CHD7: variants seen among roughly 807,000 people sequenced by gnomAD.
CHD7 encodes ATP-dependent chromatin remodeler CHD7.
Under a neutral mutation model 307.3 loss-of-function variants are expected in CHD7, and 24 were observed. The ratio of observed to expected loss-of-function variants is 0.08; its 90% confidence interval spans 0.06 to 0.11. The LOEUF (loss-of-function observed/expected upper bound fraction) is 0.11, where lower values mean the gene tolerates loss of function less well. Ranked by LOEUF, CHD7 falls within the 10% of genes least tolerant of loss-of-function variation. The pLI, the probability that CHD7 is intolerant of heterozygous loss-of-function variation, is 1.00. For missense variants in CHD7, 3,106 were observed against 3,727.1 expected (o/e 0.83, Z 4.34); for synonymous variants, 1,363 against 1,349.9 (o/e 1.01, Z -0.21).
At position 60,781,051 on chromosome 8, in the gene CHD7, G is replaced by A; in HGVS notation, c.1717G>A (p.Val573Ile). The A allele has an allele frequency of 6.2e-7, 1 of 1,609,124 alleles. No homozygotes were observed. The highest frequency in any genetic ancestry group is 8.5e-7 in the Non-Finnish European group (1 of 1,178,342). ...GAAACCAGTGCCGGATATGACTCAGGTTAGTGGACCGAATGCTCAGCTAGT... is the reference window on the plus strand; with the variant it reads ...GAAACCAGTGCCGGATATGACTCAGATTAGTGGACCGAATGCTCAGCTAGT... ...LEKPVPDMTQ[V>I]SGPNAQLVKS... The change falls in exon 3 of 38, where the codon GTT (valine) becomes ATT (isoleucine). Residue 573 changes from valine to isoleucine, a missense_variant. By Grantham distance (29) the Val-to-Ile change is conservative (BLOSUM62 3). This residue lies in a region of CHD7 where 998 missense variants were observed against 1,004.5 expected (regional missense o/e 0.99). Transcript: ENST00000423902.
intron 1 of CHD7, among the ~76,000 whole-genome samples, chr8:60,681,415 T>C (rs1320955379): frequency 6.6e-6 from 1 of 152,146 alleles, no homozygotes; most frequent in Non-Finnish European, 1.5e-5. Flanking sequence ...TCATTGACAA[T>C]GATAATAAAG....
chr8:60,708,559 A>C (rs141634156), intron 1 of CHD7, among the ~76,000 whole-genome samples: 14 of 152,074 alleles, frequency 9.2e-5, no homozygotes, highest in African/African-American at 3.1e-4. Flanking sequence ...GGCCTCCCCT[A>C]CTGCCTGCCT....
At chr8:60,861,931 G>A (rs1325276006) in intron 35 of CHD7, 2 of 253,772 alleles carry the variant, frequency 7.9e-6, no homozygotes, top group African/African-American at 4.5e-5. Flanking sequence ...TCATGACTTG[G>A]TTAAACATTT....
chr8:60,767,891 A>G (rs1351163426), intron 2 of CHD7, among the ~76,000 whole-genome samples: 1 of 152,228 alleles, frequency 6.6e-6, no homozygotes, highest in Non-Finnish European at 1.5e-5. Flanking sequence ...TTATTTTATG[A>G]CATATATTCA....
intron 15 of CHD7, among the ~76,000 whole-genome samples, chr8:60,833,820 A>G (rs1804628734): frequency 6.6e-6 from 1 of 152,174 alleles, no homozygotes; most frequent in Non-Finnish European, 1.5e-5. Context: ...GTAATCTTGA[A>G]AATTTAGCTG....
At chr8:60,794,078 C>A (rs184219520) in intron 3 of CHD7, among the ~76,000 whole-genome samples, 1 of 151,894 alleles carries the variant, frequency 6.6e-6, no homozygotes, top group Non-Finnish European at 1.5e-5. Flanking sequence ...GCCAAGATCA[C>A]GCCGTTGCAT....
chr8:60,819,016 C>T (rs1447860504), intron 8 of CHD7, among the ~76,000 whole-genome samples: 1 of 152,142 alleles, frequency 6.6e-6, no homozygotes, highest in African/African-American at 2.4e-5. Flanking sequence ...TGCAGTGGTG[C>T]GATCTCGGCT....
intron 2 of CHD7, among the ~76,000 whole-genome samples, chr8:60,754,225 A>C (rs560466724): frequency 1.3e-5 from 2 of 152,184 alleles, no homozygotes; most frequent in Non-Finnish European, 2.9e-5. Context: ...CTTCATATAC[A>C]CTGAGAACTC....
chr8:60,709,504 G>T (rs542562651), intron 1 of CHD7, among the ~76,000 whole-genome samples: 2 of 152,190 alleles, frequency 1.3e-5, no homozygotes, highest in African/African-American at 4.8e-5. Flanking sequence ...TGCTGAATGA[G>T]TGTCATTGTT....
intron 1 of CHD7, among the ~76,000 whole-genome samples, chr8:60,726,500 G>A (rs1808165595): frequency 6.6e-6 from 1 of 152,202 alleles, no homozygotes; most frequent in South Asian, 2.1e-4. Context: ...TAACTTTTAG[G>A]TTTGGGGGTA....
chr8:60,811,652 A>G lies in CHD7; in HGVS notation c.2498+3380A>G, dbSNP rs371761050. Among the ~76,000 whole-genome samples, 16 of 152,282 alleles carry G rather than the reference A, an allele frequency of 1.1e-4. No homozygotes were observed. In the East Asian group the frequency reaches 1.7e-3, roughly 17 times the overall value. On this transcript the variant is annotated intron_variant, in intron 7 of 37. Transcript: ENST00000423902. ...ACAATATATATTCTCATACATATCTATATATTTTCAAATTATTGGAGGCAT... is the reference window on the plus strand; with the variant it reads ...ACAATATATATTCTCATACATATCTGTATATTTTCAAATTATTGGAGGCAT...
chr8:60,755,779 T>C (rs1586274182), intron 2 of CHD7, among the ~76,000 whole-genome samples: 1 of 152,276 alleles, frequency 6.6e-6, no homozygotes, highest in Admixed American at 6.5e-5. Context: ...CAACTCAAGG[T>C]TTAAGGAAAG....
intron 1 of CHD7, among the ~76,000 whole-genome samples, chr8:60,698,606 GATAGTCCCTTCCTCAATGCCTGGC>G (rs1208057754): frequency 3.9e-5 from 6 of 152,144 alleles, no homozygotes; most frequent in Non-Finnish European, 7.3e-5. Context: ...TAAGGTAGCT[GATAGTCCCTTCCTCAATGCCTGGC>G]ATATTTTATA....
At chr8:60,845,214 A>G in intron 22 of CHD7, 36 bp from the exon 23 acceptor site, 1 of 1,591,054 alleles carries the variant, frequency 6.3e-7, no homozygotes, top group African/African-American at 1.3e-5. Context: ...ATTGGAATGT[A>G]AAAGGCTTCT....
intron 15 of CHD7, 144 bp downstream of exon 15, chr8:60,830,721 T>C: frequency 1.2e-6 from 1 of 853,824 alleles, no homozygotes; most frequent in East Asian, 2.6e-5. Context: ...CTTCCCACTT[T>C]CTGTGATGCC....
Position 60,836,805 on chromosome 8 carries a change from G to A in CHD7, c.3990-12G>A, listed in dbSNP as rs748071297. ...TGCGTCAGGCCTCCTTGTTCACACT[G>A]ATGTTTTCTAGGTACCCATATGAAA... On this transcript the variant is annotated splice_polypyrimidine_tract_variant and intron_variant, in intron 16 of 37. Transcript: ENST00000423902. The A allele has an allele frequency of 4.3e-6, 7 of 1,611,552 alleles. No individual in the cohort carries two copies. Among genetic ancestry groups the A allele is most frequent in the Non-Finnish European group, 5.1e-6 (6 of 1,178,162 alleles).
rs1299474596 is a variant in CHD7, at chr8:60,836,919, G to A, written c.4092G>A (p.Leu1364=). The change falls in exon 17 of 38, where the codon CTG becomes CTA. Residue 1364 remains leucine, a synonymous_variant. Coordinates refer to ENST00000423902, the MANE Select transcript of CHD7 (RefSeq NM_017780.4). ...KPDSDRFVFL[L]CTRAGGLGIN... Reference sequence around the variant, plus strand: ...ATTCTGATAGGTTTGTTTTCCTCCTGTGTACAAGGGCAGGAGGTTTAGGCA... The same window carrying A: ...ATTCTGATAGGTTTGTTTTCCTCCTATGTACAAGGGCAGGAGGTTTAGGCA... 1.2e-6 allele frequency: 2 copies of A among 1,613,758 alleles called. No individual in the cohort carries two copies. The highest frequency in any genetic ancestry group is 4.5e-5 in the East Asian group (2 of 44,874).
chr8:60,853,677 A>G (rs1314267681), intron 31 of CHD7, among the ~76,000 whole-genome samples, 177 bp downstream of exon 31: 1 of 152,216 alleles, frequency 6.6e-6, no homozygotes, highest in Non-Finnish European at 1.5e-5. Context: ...ACCTTATAGC[A>G]CCTAACCATG....
At chr8:60,770,729 T>A (rs192162592) in intron 2 of CHD7, among the ~76,000 whole-genome samples, 54 of 152,350 alleles carry the variant, frequency 3.5e-4, no homozygotes, top group Non-Finnish European at 6.6e-4. Flanking sequence ...CTTGTTAGAC[T>A]CTAGCTTTTT....
Sources: allele counts gnomAD v4.1 joint callset (sites outside exome capture counted in the v4.1 genomes callset), GRCh38; gene constraint gnomAD v4.1.1; regional missense constraint gnomAD v4.1.1; transcripts MANE v1.5; gene names NCBI Gene and HGNC (gene_info 2026-07-23, HGNC 2026-07-21).